TMEM175: variants seen among roughly 807,000 people sequenced by gnomAD.
TMEM175 encodes endosomal/lysosomal proton channel TMEM175.
Under a neutral mutation model 36.5 loss-of-function variants are expected in TMEM175, and 36 were observed. That is an observed-to-expected ratio of 0.99 (90% CI 0.76 to 1.30). The LOEUF is 1.30. TMEM175 is among the 50% of genes most tolerant of loss of function. TMEM175 has a pLI of 0.00. For missense variants in TMEM175, 705 were observed against 692.8 expected (o/e 1.02, Z -0.20); for synonymous variants, 339 against 313.4 (o/e 1.08, Z -0.86).
At position 953,247 on chromosome 4, in the gene TMEM175, C is replaced by T. The variant is rs148458812; in HGVS notation, c.520C>T (p.Arg174Cys). The change falls in exon 8 of 11, where the codon CGC becomes TGC. Residue 174 changes from arginine to cysteine, a missense_variant. Coordinates refer to ENST00000264771, the MANE Select transcript of TMEM175 (RefSeq NM_032326.4). ...GCACCTGCTGAGCCCGCAGATCCAG[C>T]GCTCTGCCCACAGGGCTCTGTACCG... Reference protein sequence around the residue: ...FPHLLSPQIQRSAHRALYRRH... With the variant: ...FPHLLSPQIQCSAHRALYRRH... 107 of 1,613,826 alleles carry T rather than the reference C, an allele frequency of 6.6e-5. No individual in the cohort carries two copies. The Admixed American group carries it at 6.7e-4, about 10-fold the overall frequency.
intron 4 of TMEM175, 53 bp from the exon 5 acceptor site, chr4:951,154 T>A (rs1481490215): frequency 1.3e-6 from 2 of 1,528,802 alleles, no homozygotes; most frequent in Non-Finnish European, 1.8e-6. Context: ...GTGTGTGCAT[T>A]TAATGTTACT....
At chr4:936,550 C>T (rs550432709) in intron 1 of TMEM175, among the ~76,000 whole-genome samples, 45 of 152,252 alleles carry the variant, frequency 3.0e-4, no homozygotes, top group African/African-American at 9.4e-4. Context: ...GACATCACTA[C>T]GGAAAGGATA....
intron 10 of TMEM175, chr4:956,386 C>T (rs1302762436): frequency 2.3e-6 from 3 of 1,289,840 alleles, no homozygotes; most frequent in East Asian, 5.5e-5. Context: ...TCATCTGCCT[C>T]TTCGTCTGTT....
intron 1 of TMEM175, among the ~76,000 whole-genome samples, chr4:940,982 G>T (rs1472532854): frequency 6.7e-6 from 1 of 149,212 alleles, no homozygotes. Context: ...CTCCAGCCTG[G>T]GTGACAGAGT....
Position 940,954 on chromosome 4 carries a change from C to T in TMEM175, c.-31-6755C>T, listed in dbSNP as rs759653267. The stretch of plus-strand genomic sequence containing the variant: ...CCAGGAGTCGGAGGTTGCAGTGAGC[C>T]AAGATTGTGCCACTGCACTCCAGCC... On this transcript the variant is annotated intron_variant, in intron 1 of 10. Transcript: ENST00000264771. Among the ~76,000 whole-genome samples the T allele has an allele frequency of 2.2e-4, 33 of 151,010 alleles. No individual in the cohort carries two copies. In the Middle Eastern group the frequency reaches 0.01, roughly 47 times the overall value.
In TMEM175 at chr4:958,355, C is replaced by T. The variant is rs1711528749; in HGVS notation, c.1374C>T (p.Ala458=). Residue 458 remains alanine (A), a synonymous_variant, in exon 11 of 11, where the codon GCC becomes GCT. Coordinates refer to ENST00000264771, the MANE Select transcript of TMEM175 (RefSeq NM_032326.4). ...TCATGCAGATCGCCGTGCCCTGCGC[C>T]TTCCTGTTGCTGCGCCTGCTCGTGG... is the stretch of plus-strand genomic sequence containing the variant. ...FHLMQIAVPC[A]FLLLRLLVGL... is the part of the protein sequence containing the mutation. The T allele has an allele frequency of 3.1e-6, 5 of 1,603,718 alleles. No individual in the cohort carries two copies. The East Asian group carries it at 1.1e-4, about 36-fold the overall frequency.
intron 8 of TMEM175, among the ~76,000 whole-genome samples, chr4:954,320 T>G (rs1275980020): frequency 6.6e-6 from 1 of 152,200 alleles, no homozygotes; most frequent in Non-Finnish European, 1.5e-5. Flanking sequence ...TATACAAAAC[T>G]GTGTCAGGAC....
At chr4:953,596 G>A (rs1030245687) in intron 8 of TMEM175, among the ~76,000 whole-genome samples, 8 of 152,246 alleles carry the variant, frequency 5.3e-5, no homozygotes, top group African/African-American at 1.9e-4. Context: ...CGAAGGAAGG[G>A]GCAGCTGAGT....
At chr4:957,165 AC>A (rs1464973820) in intron 10 of TMEM175, among the ~76,000 whole-genome samples, 3 of 151,782 alleles carry the variant, frequency 2.0e-5, no homozygotes, top group Non-Finnish European at 4.4e-5. Context: ...CCTGCCCCCA[AC>A]CCCCACCCCT....
intron 3 of TMEM175, among the ~76,000 whole-genome samples, chr4:949,982 C>T (rs1019168337): frequency 2.6e-5 from 4 of 152,166 alleles, no homozygotes; most frequent in Non-Finnish European, 4.4e-5. Flanking sequence ...GAATGACATT[C>T]GTGACCTGGT....
rs773264930 is a variant in TMEM175 at position 948,107 on chromosome 4, C to T, written c.154-9C>T. On this transcript the variant is annotated splice_polypyrimidine_tract_variant and intron_variant, in intron 2 of 10. Transcript: ENST00000264771. Reference sequence around the variant, plus strand: ...TCTCCTGCTTCCTTCTGTCTCTTTGCCCCCTCAGATCCTGCCTGTGACCCA... The same window carrying T: ...TCTCCTGCTTCCTTCTGTCTCTTTGTCCCCTCAGATCCTGCCTGTGACCCA... 3 of 1,614,038 alleles carry T rather than the reference C, an allele frequency of 1.9e-6. No homozygotes were observed. The South Asian group carries it at 3.3e-5, about 18-fold the overall frequency.
intron 9 of TMEM175, 105 bp downstream of exon 9, chr4:955,588 G>T: frequency 6.9e-7 from 1 of 1,441,674 alleles, no homozygotes; most frequent in South Asian, 1.2e-5. Flanking sequence ...CCGTGTGCGT[G>T]GTGGTGGCTG....
chr4:950,082 G>C (rs1241383045), intron 3 of TMEM175, among the ~76,000 whole-genome samples: 2 of 152,134 alleles, frequency 1.3e-5, no homozygotes, highest in East Asian at 3.9e-4. Context: ...AGCCCATTAA[G>C]AGCTGACCCC....
chr4:955,620 CG>C (rs1553908921), intron 9 of TMEM175, 134 bp from the exon 10 acceptor site: 2 of 1,455,598 alleles, frequency 1.4e-6, no homozygotes, highest in Non-Finnish European at 1.9e-6. Context: ...CTCCGCCCCT[CG>C]GGCGTCCCTG....
intron 8 of TMEM175, among the ~76,000 whole-genome samples, chr4:953,562 T>G (rs1729237556): frequency 6.6e-6 from 1 of 152,172 alleles, no homozygotes; most frequent in East Asian, 1.9e-4. Flanking sequence ...ACCCAGCCTG[T>G]CGAGGACAGA....
intron 4 of TMEM175, 58 bp downstream of exon 4, chr4:950,576 CA>C: frequency 7.8e-7 from 1 of 1,285,528 alleles, no homozygotes; most frequent in Non-Finnish European, 1.1e-6. Flanking sequence ...CCGTACCCCG[CA>C]CCACATCACG....
chr4:941,393 A>G (rs1024151329), intron 1 of TMEM175, among the ~76,000 whole-genome samples: 3 of 149,146 alleles, frequency 2.0e-5, no homozygotes, highest in Admixed American at 6.7e-5. Context: ...AAAAAAAAAA[A>G]AAAGAAACAA....
rs745631331 is a variant in TMEM175, at chr4:955,763, G to A, written c.715G>A (p.Glu239Lys). 1 of 1,613,300 alleles carries A rather than the reference G, an allele frequency of 6.2e-7. No individual in the cohort carries two copies. Among genetic ancestry groups the A allele is most frequent in the Admixed American group, 1.7e-5 (1 of 60,010 alleles). Residue 239 changes from glutamate (E) to lysine (K), a missense_variant, in exon 10 of 11, where the codon GAG (glutamate) becomes AAG (lysine). Physicochemically the swap from Glu to Lys is moderately conservative, Grantham distance 56. Coordinates refer to ENST00000264771, the MANE Select transcript of TMEM175 (RefSeq NM_032326.4). The stretch of plus-strand genomic sequence containing the variant: ...TCCTGGCGTGTCCCCAGGCCACAGG[G>A]AGCCCTCGGCTCACCCAGTGGAAGT... ...WCRDRLLGHR[E>K]PSAHPVEVFS...
chr4:953,397 G>A (rs1729215336), intron 8 of TMEM175, 43 bp downstream of exon 8: 1 of 1,559,228 alleles, frequency 6.4e-7, no homozygotes, highest in Non-Finnish European at 8.7e-7. Context: ...AGGAACGGGG[G>A]CCACCATAGG....
Sources: gnomAD v4.1 joint callset for allele counts (sites outside exome capture counted in the v4.1 genomes callset) on GRCh38, gnomAD v4.1.1 for gene constraint, MANE v1.5 for transcripts, NCBI Gene and HGNC (gene_info 2026-07-23, HGNC 2026-07-21) for gene names.